Variants in PCDHGB7 observed in about 807,000 individuals in gnomAD.
PCDHGB7 encodes the protein protocadherin gamma subfamily B, 7, also known as protocadherin gamma-B7.
PCDHGB7 carries 37 observed loss-of-function variants against 61.4 expected under a neutral mutation model. The ratio of observed to expected loss-of-function variants is 0.60; its 90% CI spans 0.46 to 0.79. The LOEUF (loss-of-function observed/expected upper bound fraction) is 0.79, where lower values mean the gene tolerates loss of function less well. Among genes scored for constraint, PCDHGB7 ranks in the 30% least tolerant of loss-of-function variants. PCDHGB7 has a pLI of 0.00. For missense variants in PCDHGB7, 1,166 were observed against 1,202.5 expected, an observed-to-expected ratio of 0.97 and a Z score of 0.45; for synonymous variants, 464 against 503.5, an observed-to-expected ratio of 0.92 and a Z score of 1.05.
At position 141,485,069 on chromosome 5, in the gene PCDHGB7, G is replaced by A. The variant is rs1185236732; in HGVS notation, c.2416-9738G>A. 1.1e-6 allele frequency: 1 copy of A among 905,912 alleles called. No homozygotes were observed. Among genetic ancestry groups the A allele is most frequent in the Non-Finnish European group, 1.7e-6 (1 of 577,940 alleles). The allele number at this position is 905,912 out of a possible 1,614,324, so 56.1% of individuals were successfully genotyped here. A position where few individuals can be genotyped will look rare whatever the true frequency, so the allele number is the denominator to read the frequency against. On this transcript the variant is annotated intron_variant, in intron 1 of 3. Coordinates refer to ENST00000398594, the MANE Select transcript of PCDHGB7 (RefSeq NM_018927.4). This position sits in a 1 kb window ranked among gnomAD's most constrained non-coding sequence, Gnocchi z 5.7. ...GCGCCGGCCGAACCGCGCCAGAGCTGGCGCGGGGAAAGGGAGATAGGTGTC... is the reference window on the plus strand; with the variant it reads ...GCGCCGGCCGAACCGCGCCAGAGCTAGCGCGGGGAAAGGGAGATAGGTGTC...
chr5:141,427,907 C>T, intron 1 of PCDHGB7: 1 of 1,575,688 alleles, frequency 6.3e-7, no homozygotes, highest in Non-Finnish European at 8.7e-7. Flanking sequence ...CCGCGCTCAG[C>T]GCCAACATGA....
intron 1 of PCDHGB7, chr5:141,430,836 C>T: frequency 6.4e-7 from 1 of 1,558,936 alleles, no homozygotes; most frequent in South Asian, 1.2e-5. Context: ...CTGTGGGAGA[C>T]CGGATGCACC....
rs759587995 is a variant in PCDHGB7, at chr5:141,491,802, G to T, written c.2416-3005G>T. On this transcript the variant is annotated intron_variant, in intron 1 of 3. Coordinates refer to ENST00000398594, the MANE Select transcript of PCDHGB7 (RefSeq NM_018927.4). The surrounding 1 kb of genome is among the most constrained non-coding windows in gnomAD (Gnocchi z 6.9). ...ACTTGCATCCACTCCTCTCCGGCCGGCTTGGTCGCTGGCTGCGCTCCACCC... is the reference window on the plus strand; with the variant it reads ...ACTTGCATCCACTCCTCTCCGGCCGTCTTGGTCGCTGGCTGCGCTCCACCC... 1 of 1,497,480 alleles carries T rather than the reference G, an allele frequency of 6.7e-7. No individual in the cohort carries two copies. Among genetic ancestry groups the T allele is most frequent in the East Asian group, 2.5e-5 (1 of 40,518 alleles). The allele number at this position is 1,497,480 out of a possible 1,614,324, so 92.8% of individuals were successfully genotyped here. A position where few individuals can be genotyped will look rare whatever the true frequency, so the allele number is the denominator to read the frequency against.
At chr5:141,458,728 T>A (rs1010109573) in intron 1 of PCDHGB7, among the ~76,000 whole-genome samples, 1 of 151,870 alleles carries the variant, frequency 6.6e-6, no homozygotes, top group Non-Finnish European at 1.5e-5. Context: ...CGCCACCACA[T>A]CCAGCTATTG....
At chr5:141,424,094 A>G (rs1036391991) in intron 1 of PCDHGB7, 11 of 864,422 alleles carry the variant, frequency 1.3e-5, no homozygotes, top group Non-Finnish European at 1.4e-5. Context: ...ATTATTTGCT[A>G]TTACTGCTAA....
chr5:141,428,108 G>C (rs771684309), intron 1 of PCDHGB7: 6 of 1,608,094 alleles, frequency 3.7e-6, no homozygotes, highest in Admixed American at 1.7e-5. Context: ...ACGTGCTGCA[G>C]GCCATCGAGC....
At chr5:141,484,453 C>T (rs1212059469) in intron 1 of PCDHGB7, among the ~76,000 whole-genome samples, 1 of 152,160 alleles carries the variant, frequency 6.6e-6, no homozygotes. Flanking sequence ...TAATTGGCTA[C>T]GTTAATGTGT....
At chr5:141,461,251 A>G (rs925406409) in intron 1 of PCDHGB7, among the ~76,000 whole-genome samples, 1 of 152,156 alleles carries the variant, frequency 6.6e-6, no homozygotes, top group Non-Finnish European at 1.5e-5. Flanking sequence ...TTATATTCCC[A>G]GCAGCAATGT....
At chr5:141,497,468 G>A (rs912445126) in intron 2 of PCDHGB7, among the ~76,000 whole-genome samples, 10 of 151,996 alleles carry the variant, frequency 6.6e-5, no homozygotes, top group African/African-American at 2.4e-4. Flanking sequence ...GAGATATGGA[G>A]GAGAAGGTGC....
Position 141,485,752 on chromosome 5 carries a change from G to A in PCDHGB7, c.2416-9055G>A. 1 of 1,614,232 alleles carries A rather than the reference G, an allele frequency of 6.2e-7. No individual in the cohort carries two copies. Among genetic ancestry groups the A allele is most frequent in the Middle Eastern group, 1.6e-4 (1 of 6,062 alleles). ...GCAGCGACGGCAGCCTGGTCCCAGA[G>A]CTGCTCCTGGAGAAGCCTTTGGATC... On this transcript the variant is annotated intron_variant, in intron 1 of 3. Coordinates refer to ENST00000398594, the MANE Select transcript of PCDHGB7 (RefSeq NM_018927.4). This position sits in a 1 kb window ranked among gnomAD's most constrained non-coding sequence, Gnocchi z 5.7.
intron 1 of PCDHGB7, chr5:141,423,752 G>T: frequency 6.2e-6 from 4 of 644,948 alleles, no homozygotes; most frequent in Non-Finnish European, 7.8e-6. Context: ...AAACTGTTTG[G>T]GGGGGGGGTG....
At chr5:141,501,550 A>G (rs1251701030) in intron 2 of PCDHGB7, among the ~76,000 whole-genome samples, 3 of 152,078 alleles carry the variant, frequency 2.0e-5, no homozygotes, top group Non-Finnish European at 4.4e-5. Flanking sequence ...ATAAGATCAT[A>G]GGCCCTGGAA....
chr5:141,450,991 AT>A (rs1351194705), intron 1 of PCDHGB7, among the ~76,000 whole-genome samples: 2 of 150,700 alleles, frequency 1.3e-5, no homozygotes, highest in Non-Finnish European at 1.5e-5. Context: ...CACCCGGCTA[AT>A]TTTTTTGTAT....
Position 141,508,665 on chromosome 5 carries a change from C to T in PCDHGB7, c.2564-2282C>T, listed in dbSNP as rs181641281. ...CGTCAGGCCCTTCCTGTCATTCTGT[C>T]TCTGCCTCCCTTCTCCCTGCTTCTC... On this transcript the variant is annotated intron_variant, in intron 3 of 3. Coordinates refer to ENST00000398594, the MANE Select transcript of PCDHGB7 (RefSeq NM_018927.4). Among the ~76,000 whole-genome samples the T allele has an allele frequency of 3.7e-3, 564 of 152,254 alleles. 5 individuals carry two copies. Among genetic ancestry groups the T allele is most frequent in the Admixed American group, 0.011 (164 of 15,296 alleles).
chr5:141,444,282 C>T (rs1341316344), intron 1 of PCDHGB7, among the ~76,000 whole-genome samples: 1 of 148,268 alleles, frequency 6.7e-6, no homozygotes, highest in African/African-American at 2.5e-5. Flanking sequence ...AGTGATTCTC[C>T]TGCCTCAGCC....
At chr5:141,467,110 T>C (rs2099137137) in intron 1 of PCDHGB7, among the ~76,000 whole-genome samples, 1 of 151,604 alleles carries the variant, frequency 6.6e-6, no homozygotes, top group Non-Finnish European at 1.5e-5. Context: ...TGGAGTACAA[T>C]GGTGCAATCT....
chr5:141,432,934 G>T lies in PCDHGB7; in HGVS notation c.2415+12660G>T, dbSNP rs377666802. 1.2e-6 allele frequency: 2 copies of T among 1,614,078 alleles called. No individual in the cohort carries two copies. The highest frequency in any genetic ancestry group is 1.3e-5 in the African/African-American group (1 of 74,940). On this transcript the variant is annotated intron_variant, in intron 1 of 3. Coordinates refer to ENST00000398594, the MANE Select transcript of PCDHGB7 (RefSeq NM_018927.4). This position sits in a 1 kb window ranked among gnomAD's most constrained non-coding sequence, Gnocchi z 6.0. ...GGCGCTGGCACAAGTCACGCCTGCT[G>T]CAGGCTTCAGGAGGCGGCTTGACAG...
At chr5:141,421,913 T>C in intron 1 of PCDHGB7, 1 of 1,613,710 alleles carries the variant, frequency 6.2e-7, no homozygotes, top group Non-Finnish European at 8.5e-7. Context: ...GCAGTTCCCA[T>C]TCGTGTGGTG....
chr5:141,477,890 C>T lies in PCDHGB7; in HGVS notation c.2416-16917C>T, dbSNP rs202114426. ...TACCTCAGCTGGCCACCTAGTGTCA[C>T]GGGTGGTAGGCTGGGACGCGGATGC... is the stretch of plus-strand genomic sequence containing the variant. On this transcript the variant is annotated intron_variant, in intron 1 of 3. Coordinates refer to ENST00000398594, the MANE Select transcript of PCDHGB7 (RefSeq NM_018927.4). This position sits in a 1 kb window ranked among gnomAD's most constrained non-coding sequence, Gnocchi z 4.9. 9.9e-6 allele frequency: 16 copies of T among 1,614,086 alleles called. No individual in the cohort carries two copies. Among genetic ancestry groups the T allele is most frequent in the Admixed American group, 1.7e-5 (1 of 60,006 alleles).
Sources: allele counts gnomAD v4.1 joint callset (sites outside exome capture counted in the v4.1 genomes callset), GRCh38; gene constraint gnomAD v4.1.1; non-coding constraint Gnocchi (gnomAD v3.1); transcripts MANE v1.5; gene names NCBI Gene and HGNC (gene_info 2026-07-23, HGNC 2026-07-21).